Variants in CMTM2 observed in about 807,000 individuals in gnomAD.
CMTM2 encodes the protein CKLF-like MARVEL transmembrane domain-containing protein 2.
A neutral mutation model predicts 16.8 loss-of-function variants in CMTM2; 15 were observed. That is an observed-to-expected ratio of 0.89 (90% CI 0.60 to 1.37). CMTM2 has a LOEUF of 1.37. Among genes scored for constraint, CMTM2 ranks in the 40% most tolerant of loss-of-function variants. The pLI is 0.00. For missense variants in CMTM2, 282 were observed against 318.0 expected, an observed-to-expected ratio of 0.89 and a Z score of 0.86; for synonymous variants, 117 against 118.7, an observed-to-expected ratio of 0.99 and a Z score of 0.09.
At chr16:66,581,196 T>C (rs2144702198) in intron 2 of CMTM2, among the ~76,000 whole-genome samples, 1 of 151,560 alleles carries the variant, frequency 6.6e-6, no homozygotes, top group East Asian at 1.9e-4. Flanking sequence ...GGACCTCCGA[T>C]ACAGGGAGAA....
chr16:66,582,404 C>T (rs112926704), intron 2 of CMTM2, among the ~76,000 whole-genome samples: 464 of 152,218 alleles, frequency 3.0e-3, no homozygotes, highest in Non-Finnish European at 4.9e-3. Flanking sequence ...TGAGAACATC[C>T]ATCAGTGGTT....
rs566702013 is a variant in CMTM2, at chr16:66,579,698, G to A, written c.91G>A (p.Gly31Ser). The change falls in exon 1 of 4, where the codon GGT becomes AGT. Residue 31 changes from glycine (G) to serine (S), a missense_variant. Gly to Ser is a moderately conservative substitution (Grantham distance 56). Coordinates refer to ENST00000268595, the MANE Select transcript of CMTM2 (RefSeq NM_144673.3). This position sits in a 1 kb window ranked among gnomAD's most constrained non-coding sequence, Gnocchi z 6.5. ...GAKPEEDKKD[G>S]KEPSDKPQKA... Reference sequence around the variant, plus strand: ...CAAACCCGAGGAAGACAAGAAGGACGGTAAGGAGCCATCGGACAAACCTCA... The same window carrying A: ...CAAACCCGAGGAAGACAAGAAGGACAGTAAGGAGCCATCGGACAAACCTCA... 3.1e-6 allele frequency: 5 copies of A among 1,613,620 alleles called. No individual in the cohort carries two copies. The highest frequency in any genetic ancestry group is 3.3e-5 in the Admixed American group (2 of 59,990).
intron 2 of CMTM2, among the ~76,000 whole-genome samples, chr16:66,581,746 C>T (rs149349182): frequency 4.6e-5 from 7 of 152,236 alleles, no homozygotes; most frequent in African/African-American, 7.2e-5. Context: ...TTTGAGTGGG[C>T]GGAGAGGAAG....
At chr16:66,586,907 T>G in intron 2 of CMTM2, 90 bp from the exon 3 acceptor site, 1 of 887,584 alleles carries the variant, frequency 1.1e-6, no homozygotes, top group Non-Finnish European at 1.9e-6. Context: ...AATTTGCAAA[T>G]CATTCCTTTG....
Position 66,588,036 on chromosome 16 carries a change from G to A in CMTM2, c.664G>A (p.Gly222Arg), listed in dbSNP as rs770869174. ...MLVPPPGKEK[G>R]PQQGKGPEPA... Reference sequence around the variant, plus strand: ...GGTTCCTCCTCCAGGAAAGGAAAAAGGACCCCAGCAGGGCAAGGGACCAGA... The same window carrying A: ...GGTTCCTCCTCCAGGAAAGGAAAAAAGACCCCAGCAGGGCAAGGGACCAGA... The change falls in exon 4 of 4, where the codon GGA (glycine) becomes AGA (arginine). Residue 222 changes from glycine (G) to arginine (R), a missense_variant. Coordinates refer to ENST00000268595, the MANE Select transcript of CMTM2 (RefSeq NM_144673.3). The A allele has an allele frequency of 1.2e-6, 2 of 1,613,822 alleles. No individual in the cohort carries two copies. Among genetic ancestry groups the A allele is most frequent in the East Asian group, 4.5e-5 (2 of 44,896 alleles).
At position 66,588,011 on chromosome 16, in the gene CMTM2, G is replaced by A; in HGVS notation, c.639G>A (p.Leu213=). The part of the protein sequence containing the change: ...FRGKKAKKHM[L]VPPPGKEKGP... ...GCAAGAAGGCCAAAAAGCATATGCTGGTTCCTCCTCCAGGAAAGGAAAAAG... is the reference window on the plus strand; with the variant it reads ...GCAAGAAGGCCAAAAAGCATATGCTAGTTCCTCCTCCAGGAAAGGAAAAAG... The change falls in exon 4 of 4, where the codon CTG becomes CTA. Residue 213 remains leucine, a synonymous_variant. Transcript: ENST00000268595. The A allele has an allele frequency of 4.3e-6, 7 of 1,614,122 alleles. No homozygotes were observed. Among genetic ancestry groups the A allele is most frequent in the Non-Finnish European group, 5.9e-6 (7 of 1,180,040 alleles).
chr16:66,580,380 A>G (rs1188520885), intron 2 of CMTM2, 196 bp downstream of exon 2: 2 of 601,034 alleles, frequency 3.3e-6, no homozygotes, highest in African/African-American at 3.7e-5. Context: ...ATGCTCCAAA[A>G]AGCCTATCTG....
At chr16:66,586,488 A>AC (rs1303038320) in intron 2 of CMTM2, among the ~76,000 whole-genome samples, 4 of 147,466 alleles carry the variant, frequency 2.7e-5, no homozygotes, top group African/African-American at 1.0e-4. Flanking sequence ...AAATACACAC[A>AC]AAAAAAAAAT....
At position 66,579,861 on chromosome 16, in the gene CMTM2, T is replaced by TG. The variant is rs1186564236; in HGVS notation, c.258dup (p.His87AlafsTer3). 1 of 1,589,218 alleles carries TG rather than the reference T, an allele frequency of 6.3e-7. No individual in the cohort carries two copies. The highest frequency in any genetic ancestry group is 1.4e-5 in the African/African-American group (1 of 72,476). Reference sequence around the variant, plus strand: ...GACAGCAATAAAGAGTTCTGGCTCTTGGGGCACGCTGAGATCAAGATTCGG... The same window carrying TG: ...GACAGCAATAAAGAGTTCTGGCTCTTGGGGGCACGCTGAGATCAAGATTCGG... On this transcript the variant is annotated frameshift_variant, in exon 1 of 4. Transcript: ENST00000268595. LOFTEE classifies it high-confidence loss of function. This position sits in a 1 kb window ranked among gnomAD's most constrained non-coding sequence, Gnocchi z 6.5.
intron 2 of CMTM2, among the ~76,000 whole-genome samples, chr16:66,581,014 G>A (rs956912909): frequency 6.6e-6 from 1 of 152,026 alleles, no homozygotes; most frequent in Non-Finnish European, 1.5e-5. Context: ...TTTCACTCAC[G>A]TTACACATGA....
chr16:66,587,735 G>A (rs891264120), intron 3 of CMTM2, among the ~76,000 whole-genome samples, 184 bp from the exon 4 acceptor site: 8 of 152,162 alleles, frequency 5.3e-5, no homozygotes, highest in African/African-American at 1.2e-4. Flanking sequence ...ATGGCAGGAC[G>A]GGGGAGTGGA....
At chr16:66,582,228 C>T (rs755377122) in intron 2 of CMTM2, among the ~76,000 whole-genome samples, 24 of 151,928 alleles carry the variant, frequency 1.6e-4, no homozygotes, top group Non-Finnish European at 2.6e-4. Context: ...AGTACAGTGT[C>T]TAGAATAGAA....
rs368105760 is a variant in CMTM2, at chr16:66,587,318, T to C, written c.546+220T>C. 8.5e-5 allele frequency among the ~76,000 whole-genome samples: 13 copies of C among 152,220 alleles called. No individual in the cohort carries two copies. The East Asian group carries it at 2.5e-3, about 29-fold the overall frequency. ...GGCGGATCACCTGAGGTCAGGAGTT[T>C]GAGACCAGCCTGGCCAACATGGTGA... On this transcript the variant is annotated intron_variant, in intron 3 of 3. Transcript: ENST00000268595.
intron 2 of CMTM2, among the ~76,000 whole-genome samples, chr16:66,581,818 G>T (rs752055223): frequency 2.0e-5 from 3 of 152,136 alleles, no homozygotes; most frequent in Admixed American, 6.5e-5. Context: ...TTGAATTTTT[G>T]TTATCTGCAG....
Position 66,580,159 on chromosome 16 carries a change from T to A in CMTM2, c.419T>A (p.Ile140Lys), listed in dbSNP as rs751655164. The change falls in exon 2 of 4, where the codon ATA becomes AAA. Residue 140 changes from isoleucine to lysine, a missense_variant. Ile to Lys is a moderately radical substitution (Grantham distance 102, BLOSUM62 -3). Coordinates refer to ENST00000268595, the MANE Select transcript of CMTM2 (RefSeq NM_144673.3). ...LLYSFAIHRY[I>K]PFILWPISDL... is the part of the protein sequence containing the mutation. ...TACAGCTTTGCCATTCATAGATACATACCCTTCATCCTGTGGCCCATTTCT... is the reference window on the plus strand; with the variant it reads ...TACAGCTTTGCCATTCATAGATACAAACCCTTCATCCTGTGGCCCATTTCT... The A allele has an allele frequency of 8.1e-6, 13 of 1,614,064 alleles. No individual in the cohort carries two copies. The highest frequency in any genetic ancestry group is 1.7e-6 in the Non-Finnish European group (2 of 1,180,032).
chr16:66,581,552 A>G (rs1001717115), intron 2 of CMTM2, among the ~76,000 whole-genome samples: 1 of 152,204 alleles, frequency 6.6e-6, no homozygotes, highest in Non-Finnish European at 1.5e-5. Context: ...CTGGATTTTC[A>G]TGCACTCTCA....
intron 2 of CMTM2, chr16:66,580,503 C>A: frequency 6.4e-6 from 2 of 313,328 alleles, no homozygotes; most frequent in South Asian, 5.5e-5. Flanking sequence ...CCTCCGAACT[C>A]CTGTGCCAGC....
chr16:66,580,583 A>G (rs1597190023), intron 2 of CMTM2: 3 of 184,114 alleles, frequency 1.6e-5, no homozygotes, highest in East Asian at 1.5e-4. Context: ...TTACTCTCCC[A>G]TAAGTCAATA....
intron 2 of CMTM2, among the ~76,000 whole-genome samples, chr16:66,584,320 C>T (rs941899410): frequency 6.6e-6 from 1 of 152,024 alleles, no homozygotes; most frequent in Admixed American, 6.6e-5. Flanking sequence ...AGGTGTGAGC[C>T]ACCACACCCA....
Sources: gnomAD v4.1 joint callset for allele counts (sites outside exome capture counted in the v4.1 genomes callset) on GRCh38, gnomAD v4.1.1 for gene constraint, Gnocchi (gnomAD v3.1) non-coding constraint, MANE v1.5 for transcripts, NCBI Gene and HGNC (gene_info 2026-07-23, HGNC 2026-07-21) for gene names.